HBS1L: variants seen among roughly 807,000 people sequenced by gnomAD.
HBS1L encodes HBS1 like translational GTPase.
A neutral mutation model predicts 88.9 loss-of-function variants in HBS1L; 55 were observed. The ratio of observed to expected loss-of-function variants is 0.62; its 90% CI spans 0.50 to 0.77. The LOEUF (loss-of-function observed/expected upper bound fraction) is 0.77. HBS1L is among the 30% of genes least tolerant of loss of function. The pLI is 0.00. For missense variants in HBS1L, 741 were observed against 829.3 expected (o/e 0.89, Z 1.31); for synonymous variants, 267 against 288.5 (o/e 0.93, Z 0.76).
intron 8 of HBS1L, among the ~76,000 whole-genome samples, chr6:134,992,737 A>T (rs1035862849): frequency 2.6e-5 from 4 of 152,236 alleles, no homozygotes; most frequent in African/African-American, 9.6e-5. Flanking sequence ...GTTAAAAAAA[A>T]TTTAAATGTT....
chr6:135,049,953 A>G (rs945815417), intron 2 of HBS1L, among the ~76,000 whole-genome samples: 4 of 152,244 alleles, frequency 2.6e-5, no homozygotes, highest in African/African-American at 4.8e-5. Context: ...AGTGTTAGAG[A>G]AATAAGTGAC....
At chr6:135,047,545 T>C (rs1776950109) in intron 2 of HBS1L, among the ~76,000 whole-genome samples, 1 of 152,210 alleles carries the variant, frequency 6.6e-6, no homozygotes, top group Non-Finnish European at 1.5e-5. Flanking sequence ...TTTCTGACTC[T>C]TGGGTGGAGT....
intron 4 of HBS1L, among the ~76,000 whole-genome samples, chr6:135,016,565 T>G (rs1775927942): frequency 6.6e-6 from 1 of 152,192 alleles, no homozygotes; most frequent in South Asian, 2.1e-4. Context: ...CATGATGCTA[T>G]CAACTTTAAG....
At chr6:135,002,039 C>A (rs1357180333) in intron 5 of HBS1L, among the ~76,000 whole-genome samples, 1 of 150,550 alleles carries the variant, frequency 6.6e-6, no homozygotes, top group Non-Finnish European at 1.5e-5. Context: ...ATCATTTTGG[C>A]AGACAAAATA....
intron 5 of HBS1L, among the ~76,000 whole-genome samples, chr6:135,002,341 T>A (rs1775485010): frequency 6.6e-6 from 1 of 152,208 alleles, no homozygotes; most frequent in Admixed American, 6.5e-5. Context: ...TTTAAAAATA[T>A]TTTAGTTATT....
chr6:134,996,027 C>T (rs1775279290), intron 7 of HBS1L, among the ~76,000 whole-genome samples: 1 of 152,226 alleles, frequency 6.6e-6, no homozygotes, highest in East Asian at 1.9e-4. Context: ...TCAGGGAACA[C>T]AGTTTAATCT....
chr6:134,991,160 A>G (rs1220577706), intron 8 of HBS1L, among the ~76,000 whole-genome samples: 1 of 137,038 alleles, frequency 7.3e-6, no homozygotes, highest in Non-Finnish European at 1.7e-5. Context: ...TTCCCTAAGT[A>G]TCAGTGAGGG....
At chr6:134,973,385 T>C (rs1774548483) in intron 15 of HBS1L, among the ~76,000 whole-genome samples, 1 of 152,168 alleles carries the variant, frequency 6.6e-6, no homozygotes, top group Non-Finnish European at 1.5e-5. Context: ...ATAAGGAACC[T>C]AGAGCAGGCA....
At chr6:135,028,574 G>A (rs1583134834) in intron 4 of HBS1L, among the ~76,000 whole-genome samples, 1 of 151,946 alleles carries the variant, frequency 6.6e-6, no homozygotes, top group African/African-American at 2.4e-5. Context: ...ACCATCACAA[G>A]AAAAACCAAA....
At position 135,002,928 on chromosome 6, in the gene HBS1L, T is replaced by G. The variant is rs577367335; in HGVS notation, c.431-86A>C. On this transcript the variant is annotated intron_variant, in intron 4 of 17. Transcript: ENST00000367837. ...TTACATAGTATTTTAAATTATAGAT[T>G]ATGATAACTTTCACAGAATTAATGT... The G allele has an allele frequency of 3.8e-4, 292 of 763,944 alleles. No individual in the cohort carries two copies. In the African/African-American group the frequency reaches 4.6e-3, roughly 12 times the overall value. 47.3% of individuals were successfully genotyped at this position (763,944 alleles called of 1,614,324 possible). A position where few individuals can be genotyped will look rare whatever the true frequency, so the allele number is the denominator to read the frequency against.
chr6:135,033,544 G>A (rs1161073490), intron 4 of HBS1L, among the ~76,000 whole-genome samples: 3 of 152,074 alleles, frequency 2.0e-5, no homozygotes, highest in Non-Finnish European at 2.9e-5. Context: ...AAGGAAAATA[G>A]GAAGCCTGGA....
At chr6:135,032,956 G>T (rs4134030) in intron 4 of HBS1L, among the ~76,000 whole-genome samples, 73,984 of 151,870 alleles carry the variant, frequency 0.49, 18,141 homozygotes, top group South Asian at 0.56. Flanking sequence ...GTTTTAAAAA[G>T]TGCTCTGTAC....
intron 15 of HBS1L, among the ~76,000 whole-genome samples, chr6:134,971,289 A>C (rs1774479862): frequency 6.6e-6 from 1 of 152,228 alleles, no homozygotes; most frequent in Non-Finnish European, 1.5e-5. Flanking sequence ...TGTGCATTCA[A>C]AGGATTCAGG....
At chr6:134,968,297 G>T (rs1283386803) in intron 16 of HBS1L, among the ~76,000 whole-genome samples, 1 of 151,160 alleles carries the variant, frequency 6.6e-6, no homozygotes, top group Non-Finnish European at 1.5e-5. Context: ...CACCCAGGCT[G>T]GAGTACAGTG....
chr6:134,965,389 A>C (rs780475312), intron 17 of HBS1L, 99 bp from the exon 18 acceptor site: 14 of 826,022 alleles, frequency 1.7e-5, no homozygotes, highest in Non-Finnish European at 2.7e-5. Flanking sequence ...TATTATATCA[A>C]GAGAAAATCT....
At chr6:134,967,823 G>A (rs10484497) in intron 16 of HBS1L, among the ~76,000 whole-genome samples, 5,492 of 152,236 alleles carry the variant, frequency 0.036, 344 homozygotes, top group African/African-American at 0.13. Flanking sequence ...GGATTGCTAA[G>A]AATATACATT....
chr6:135,041,968 T>G (rs2114909516), intron 3 of HBS1L, 33 bp downstream of exon 3: 1 of 1,601,978 alleles, frequency 6.2e-7, no homozygotes, highest in East Asian at 2.2e-5. Context: ...ATTAATCACT[T>G]TCAGATAACA....
intron 15 of HBS1L, among the ~76,000 whole-genome samples, chr6:134,972,295 T>G (rs1299505836): frequency 6.6e-6 from 1 of 152,194 alleles, no homozygotes; most frequent in Non-Finnish European, 1.5e-5. Context: ...TTTAAAATGT[T>G]AACAAATACA....
intron 1 of HBS1L, among the ~76,000 whole-genome samples, chr6:135,050,982 C>G (rs566467250): frequency 6.6e-6 from 1 of 152,340 alleles, no homozygotes; most frequent in Admixed American, 6.5e-5. Flanking sequence ...AATCCCAGCA[C>G]TTTGGGAGGC....
Sources: allele counts gnomAD v4.1 joint callset (sites outside exome capture counted in the v4.1 genomes callset), GRCh38; gene constraint gnomAD v4.1.1; transcripts MANE v1.5; gene names NCBI Gene and HGNC (gene_info 2026-07-23, HGNC 2026-07-21).